Variants in FHIT observed in about 807,000 individuals in gnomAD.
The protein encoded by FHIT is fragile histidine triad diadenosine triphosphatase.
In FHIT, 19 loss-of-function variants were observed where a neutral mutation model predicts 17.9. The observed-to-expected ratio is 1.06, with a 90% confidence interval of 0.74 to 1.56. The LOEUF (loss-of-function observed/expected upper bound fraction) is 1.56, where lower values mean the gene tolerates loss of function less well. Ranked by LOEUF, FHIT falls within the 40% of genes most tolerant of loss-of-function variation. FHIT has a pLI of 0.00. For missense variants in FHIT, 248 were observed against 189.2 expected (o/e 1.31, Z -1.82); for synonymous variants, 81 against 69.7 (o/e 1.16, Z -0.81).
intron 5 of FHIT, among the ~76,000 whole-genome samples, chr3:60,043,924 A>T (rs1701547295): frequency 6.6e-6 from 1 of 152,260 alleles, no homozygotes; most frequent in Non-Finnish European, 1.5e-5. Context: ...TCAAAATAAT[A>T]AAACAGAATA....
chr3:60,139,646 G>A (rs1034481209), intron 5 of FHIT, among the ~76,000 whole-genome samples: 2 of 152,046 alleles, frequency 1.3e-5, no homozygotes, highest in Non-Finnish European at 2.9e-5. Flanking sequence ...GAGGTCAAGG[G>A]AAAGGAGGGG....
At chr3:60,506,761 G>C (rs1011040497) in intron 5 of FHIT, among the ~76,000 whole-genome samples, 1 of 151,728 alleles carries the variant, frequency 6.6e-6, no homozygotes, top group Non-Finnish European at 1.5e-5. Context: ...AATGGAATGA[G>C]AAGACAATGG....
intron 5 of FHIT, among the ~76,000 whole-genome samples, chr3:60,173,915 A>ATATATATATATATAT: frequency 1.5e-5 from 1 of 66,442 alleles, no homozygotes; most frequent in Non-Finnish European, 2.8e-5. Flanking sequence ...ATATATATAT[A>ATATATATATATATAT]TGTTTTTTTT....
intron 1 of FHIT, among the ~76,000 whole-genome samples, chr3:61,234,601 G>T (rs549118525): frequency 3.5e-4 from 53 of 152,136 alleles, no homozygotes; most frequent in Non-Finnish European, 3.5e-4. Flanking sequence ...CTGAAATATT[G>T]ATAGTGCTAT....
intron 2 of FHIT, among the ~76,000 whole-genome samples, chr3:61,130,539 T>C (rs1196581583): frequency 1.3e-5 from 2 of 152,136 alleles, no homozygotes; most frequent in Admixed American, 6.6e-5. Flanking sequence ...TGGAAAACTA[T>C]AAGACTGGAA....
At chr3:59,965,036 A>G (rs1214940452) in intron 7 of FHIT, among the ~76,000 whole-genome samples, 1 of 151,992 alleles carries the variant, frequency 6.6e-6, no homozygotes. Flanking sequence ...AAACAAACAA[A>G]AAAACACTTG....
chr3:60,301,772 A>G (rs1042587709), intron 5 of FHIT, among the ~76,000 whole-genome samples: 1 of 152,210 alleles, frequency 6.6e-6, no homozygotes, highest in Non-Finnish European at 1.5e-5. Context: ...ACTTCTAGTT[A>G]GAGGAGAAGG....
chr3:59,816,655 C>T (rs1575542169), intron 8 of FHIT, among the ~76,000 whole-genome samples: 1 of 152,166 alleles, frequency 6.6e-6, no homozygotes, highest in Admixed American at 6.5e-5. Context: ...ACAATCAAGT[C>T]CTATCCTACC....
chr3:59,829,261 A>G (rs1191362430), intron 8 of FHIT, among the ~76,000 whole-genome samples: 2 of 152,174 alleles, frequency 1.3e-5, no homozygotes, highest in Non-Finnish European at 2.9e-5. Context: ...TTTGGTCTAT[A>G]TGGATCTATG....
At position 59,748,485 on chromosome 3, in the gene FHIT, C is replaced by G. The variant is rs758701560; in HGVS notation, c.*1100G>C. Among the ~76,000 whole-genome samples, 1 of 152,012 alleles carries G rather than the reference C, an allele frequency of 6.6e-6. No homozygotes were observed. The highest frequency in any genetic ancestry group is 6.6e-5 in the Admixed American group (1 of 15,246). On this transcript the variant is annotated 3_prime_UTR_variant, in exon 10 of 10. Transcript: ENST00000492590. Reference sequence around the variant, plus strand: ...CCAGGCCCATTTTGGTTTCTGCTACCTGGCTGTAGTGTGACCAGGGAGGCA... The same window carrying G: ...CCAGGCCCATTTTGGTTTCTGCTACGTGGCTGTAGTGTGACCAGGGAGGCA...
At chr3:60,527,423 A>AT (rs1296972137) in intron 5 of FHIT, among the ~76,000 whole-genome samples, 6 of 152,242 alleles carry the variant, frequency 3.9e-5, no homozygotes, top group Non-Finnish European at 8.8e-5. Flanking sequence ...AATCTTAAAG[A>AT]TAAAAAGAAG....
intron 5 of FHIT, among the ~76,000 whole-genome samples, chr3:60,169,990 G>C (rs1345188250): frequency 6.6e-6 from 1 of 152,264 alleles, no homozygotes. Context: ...TGCTGTTTTC[G>C]ATGATCCAGC....
At chr3:60,338,641 C>T (rs968000872) in intron 5 of FHIT, among the ~76,000 whole-genome samples, 3 of 152,194 alleles carry the variant, frequency 2.0e-5, no homozygotes, top group African/African-American at 7.2e-5. Flanking sequence ...AGTTACTAGA[C>T]CACTTAGATG....
At chr3:60,947,382 T>C (rs1336969509) in intron 3 of FHIT, among the ~76,000 whole-genome samples, 1 of 152,194 alleles carries the variant, frequency 6.6e-6, no homozygotes, top group African/African-American at 2.4e-5. Flanking sequence ...TTTTCTAAGA[T>C]CTAAGTGTCC....
rs111705913 is a variant in FHIT, at chr3:60,546,204, A to G, written c.-17-9225T>C. ...TTTACACTAATTATTCTTTGAGCTTATTTCAGATATTTTATCTTTTCGTTT... is the reference window on the plus strand; with the variant it reads ...TTTACACTAATTATTCTTTGAGCTTGTTTCAGATATTTTATCTTTTCGTTT... On this transcript the variant is annotated intron_variant, in intron 4 of 9. Transcript: ENST00000492590. Among the ~76,000 whole-genome samples, 627 of 152,086 alleles carry G rather than the reference A, an allele frequency of 4.1e-3. 3 individuals carry two copies. The highest frequency in any genetic ancestry group is 0.014 in the African/African-American group (575 of 41,502).
intron 8 of FHIT, among the ~76,000 whole-genome samples, chr3:59,792,426 T>C (rs1487667208): frequency 6.6e-6 from 1 of 152,198 alleles, no homozygotes; most frequent in Non-Finnish European, 1.5e-5. Flanking sequence ...CTCACTGTGA[T>C]CTGAAAATTG....
chr3:61,023,329 C>G (rs1396617026), intron 3 of FHIT, among the ~76,000 whole-genome samples: 2 of 151,988 alleles, frequency 1.3e-5, no homozygotes, highest in Non-Finnish European at 2.9e-5. Context: ...AACCACTGCT[C>G]AAGGAAATAA....
intron 4 of FHIT, among the ~76,000 whole-genome samples, chr3:60,579,038 T>G (rs190148849): frequency 5.9e-5 from 9 of 152,192 alleles, no homozygotes. Flanking sequence ...CTGGTTTCCA[T>G]GCACCTGCAA....
At chr3:59,844,732 T>C (rs1038435937) in intron 8 of FHIT, among the ~76,000 whole-genome samples, 1 of 152,196 alleles carries the variant, frequency 6.6e-6, no homozygotes, top group Non-Finnish European at 1.5e-5. Context: ...TAGTATTTCG[T>C]TGAAGATTTT....
Sources: gnomAD v4.1 joint callset for allele counts (sites outside exome capture counted in the v4.1 genomes callset) on GRCh38, gnomAD v4.1.1 for gene constraint, MANE v1.5 for transcripts, NCBI Gene and HGNC (gene_info 2026-07-23, HGNC 2026-07-21) for gene names.